The following RIMBP2 variants were observed in gnomAD, a reference collection of about 807,000 sequenced individuals.
The protein encoded by RIMBP2 is RIMS-binding protein 2.
RIMBP2 carries 48 observed loss-of-function variants against 118.6 expected under a neutral mutation model. The ratio of observed to expected loss-of-function variants is 0.40; its 90% CI spans 0.32 to 0.51. The LOEUF (loss-of-function observed/expected upper bound fraction) is 0.51, where lower values mean the gene tolerates loss of function less well. RIMBP2 is among the 20% of genes least tolerant of loss of function. The pLI, the probability that RIMBP2 is intolerant of heterozygous loss-of-function variation, is 0.41. For synonymous variants in RIMBP2, 762 were observed against 742.9 expected, an observed-to-expected ratio of 1.03 and a Z score of -0.42; for missense variants, 1,551 against 1,768.3, an observed-to-expected ratio of 0.88 and a Z score of 2.20.
chr12:130,667,314 G>C (rs1294105477), intron 1 of RIMBP2: 1 of 152,182 alleles, frequency 6.6e-6, no homozygotes, highest in Non-Finnish European at 1.5e-5. Context: ...AGACTTGACA[G>C]TTTCCTGCCC....
chr12:130,456,389 C>A (rs117957218), intron 7 of RIMBP2, 107 bp downstream of exon 7: 7 of 923,330 alleles, frequency 7.6e-6, no homozygotes, highest in Admixed American at 5.8e-5. Context: ...GGTCCCTGTA[C>A]CCTCTGCCAG....
intron 17 of RIMBP2, among the ~76,000 whole-genome samples, chr12:130,416,348 A>C (rs749036784): frequency 1.3e-5 from 2 of 152,214 alleles, no homozygotes; most frequent in Non-Finnish European, 2.9e-5. Flanking sequence ...CAGTCACTAT[A>C]ATAGCATGGC....
chr12:130,667,132 A>AC, intron 1 of RIMBP2, among the ~76,000 whole-genome samples: 1 of 46,576 alleles, frequency 2.1e-5, no homozygotes, highest in African/African-American at 8.5e-5. Context: ...GGAAGGAAGG[A>AC]GAGAGGGAGG....
chr12:130,706,248 AT>A (rs1209702355), intron 1 of RIMBP2, among the ~76,000 whole-genome samples: 1 of 152,232 alleles, frequency 6.6e-6, no homozygotes, highest in Non-Finnish European at 1.5e-5. Context: ...GCAATTGCTA[AT>A]CTTTATTGAG....
At chr12:130,652,110 T>C (rs998202660) in intron 1 of RIMBP2, among the ~76,000 whole-genome samples, 2 of 152,198 alleles carry the variant, frequency 1.3e-5, no homozygotes, top group Admixed American at 6.5e-5. Flanking sequence ...CTCTTCTTCA[T>C]ATAAGAGGAT....
chr12:130,599,903 G>A (rs578136442), intron 2 of RIMBP2, among the ~76,000 whole-genome samples: 1 of 152,240 alleles, frequency 6.6e-6, no homozygotes, highest in African/African-American at 2.4e-5. Context: ...GGGTAAACCT[G>A]CCCCATTCTA....
In RIMBP2 at chr12:130,424,593, G is replaced by A; in HGVS notation, c.2678C>T (p.Ala893Val). ...AAGGAAGTCCTCCACGTGGGGGACG[G>A]CCCCCGAGCCCCTGTGCTTCACCGG... ...WFPVKHRGSGAVPHVEDFLLE... is the reference protein window; with the variant it reads ...WFPVKHRGSGVVPHVEDFLLE... The change falls in exon 16 of 23, where the codon GCC becomes GTC. Residue 893 changes from alanine (A) to valine (V), a missense_variant. By Grantham distance (64) the Ala-to-Val change is moderately conservative. Coordinates refer to ENST00000690449, the MANE Select transcript of RIMBP2 (RefSeq NM_001393629.1). This position sits in a 1 kb window ranked among gnomAD's most constrained non-coding sequence, Gnocchi z 9.8. 8.1e-7 allele frequency: 1 copy of A among 1,231,914 alleles called. No homozygotes were observed. The highest frequency in any genetic ancestry group is 1.0e-6 in the Non-Finnish European group (1 of 987,826). The allele number at this position is 1,231,914 out of a possible 1,614,324, so 76.3% of individuals were successfully genotyped here. A position where few individuals can be genotyped will look rare whatever the true frequency, so the allele number is the denominator to read the frequency against.
chr12:130,699,214 C>T lies in RIMBP2; in HGVS notation c.-352+17008G>A, dbSNP rs180685212. Among the ~76,000 whole-genome samples, 269 of 152,234 alleles carry T rather than the reference C, an allele frequency of 1.8e-3. 3 individuals are homozygous for T. Among genetic ancestry groups the T allele is most frequent in the African/African-American group, 6.4e-3 (267 of 41,536 alleles). ...AACTAGAAATACCATTTGACCCATC[C>T]ATCCCATTACTGGTTATATACCCAA... On this transcript the variant is annotated intron_variant, in intron 1 of 22. Transcript: ENST00000690449.
Position 130,450,244 on chromosome 12 carries a change from C to T in RIMBP2, c.537G>A (p.Lys179=). The T allele has an allele frequency of 6.2e-7, 1 of 1,610,078 alleles. No individual in the cohort carries two copies. Among genetic ancestry groups the T allele is most frequent in the Non-Finnish European group, 8.5e-7 (1 of 1,177,870 alleles). Residue 179 remains lysine, a synonymous_variant, in exon 9 of 23, where the codon AAG becomes AAA. Coordinates refer to ENST00000690449, the MANE Select transcript of RIMBP2 (RefSeq NM_001393629.1). The surrounding 1 kb of genome is among the most constrained non-coding windows in gnomAD (Gnocchi z 4.8). Reference sequence around the variant, plus strand: ...GGTGGACCTTCCCCGAGTATCTCTGCTTGGAGGTATTGGAATTCCGTTCAT... The same window carrying T: ...GGTGGACCTTCCCCGAGTATCTCTGTTTGGAGGTATTGGAATTCCGTTCAT... ...MENERNSNTS[K]QRYSGKVHLC... is the part of the protein sequence containing the mutation.
intron 2 of RIMBP2, among the ~76,000 whole-genome samples, chr12:130,540,206 A>G (rs1419171176): frequency 6.6e-6 from 1 of 152,188 alleles, no homozygotes; most frequent in Non-Finnish European, 1.5e-5. Flanking sequence ...CTTTCATCCA[A>G]TGTGTGCTTT....
At chr12:130,690,080 T>C (rs1325667543) in intron 1 of RIMBP2, among the ~76,000 whole-genome samples, 1 of 152,220 alleles carries the variant, frequency 6.6e-6, no homozygotes, top group Non-Finnish European at 1.5e-5. Flanking sequence ...CTTCGGGTCC[T>C]CACTTCTGTC....
rs749643116 is a variant in RIMBP2 at position 130,456,732 on chromosome 12, G to A, written c.154-32C>T. ...GGCAGAAGCAGGACAGGGGGTCAGC[G>A]GTGGCATTTGGTGGTGGAAATGTGT... On this transcript the variant is annotated intron_variant, in intron 6 of 22. Coordinates refer to ENST00000690449, the MANE Select transcript of RIMBP2 (RefSeq NM_001393629.1). The A allele has an allele frequency of 2.4e-5, 37 of 1,523,786 alleles. No homozygotes were observed. The South Asian group carries it at 2.5e-4, about 10-fold the overall frequency. The allele number at this position is 1,523,786 out of a possible 1,614,324, so 94.4% of individuals were successfully genotyped here.
At chr12:130,501,303 G>A (rs548297807) in intron 4 of RIMBP2, among the ~76,000 whole-genome samples, 5 of 152,034 alleles carry the variant, frequency 3.3e-5, no homozygotes, top group African/African-American at 9.6e-5. Context: ...TTTTCTGTGC[G>A]GCCACTGGAG....
Position 130,705,344 on chromosome 12 carries a change from G to A in RIMBP2, c.-352+10878C>T, listed in dbSNP as rs114806926. Among the ~76,000 whole-genome samples, 466 of 152,286 alleles carry A rather than the reference G, an allele frequency of 3.1e-3. 4 individuals are homozygous for A. The highest frequency in any genetic ancestry group is 0.011 in the African/African-American group (441 of 41,552). ...CCGGAGCCTCCCGGCCAGTCACCACGCAACAAAGACCGGGGCCCTGGCTGC... is the reference window on the plus strand; with the variant it reads ...CCGGAGCCTCCCGGCCAGTCACCACACAACAAAGACCGGGGCCCTGGCTGC... On this transcript the variant is annotated intron_variant, in intron 1 of 22. Coordinates refer to ENST00000690449, the MANE Select transcript of RIMBP2 (RefSeq NM_001393629.1).
intron 2 of RIMBP2, among the ~76,000 whole-genome samples, chr12:130,598,046 A>G (rs1456246357): frequency 1.3e-5 from 2 of 152,354 alleles, no homozygotes; most frequent in East Asian, 3.9e-4. Flanking sequence ...GCAAGGTAGC[A>G]GAAAAGGAGA....
intron 2 of RIMBP2, among the ~76,000 whole-genome samples, chr12:130,577,488 G>T (rs1239897315): frequency 4.6e-5 from 7 of 152,168 alleles, no homozygotes; most frequent in Non-Finnish European, 7.4e-5. Context: ...TTACAAGGCA[G>T]CAGGAGAGAG....
At chr12:130,651,787 G>A (rs1345585945) in intron 1 of RIMBP2, among the ~76,000 whole-genome samples, 1 of 152,172 alleles carries the variant, frequency 6.6e-6, no homozygotes, top group Non-Finnish European at 1.5e-5. Context: ...TTAATTATCT[G>A]CAGGATTATG....
At chr12:130,573,415 TGTGA>T (rs1315261027) in intron 2 of RIMBP2, among the ~76,000 whole-genome samples, 10 of 151,852 alleles carry the variant, frequency 6.6e-5, no homozygotes, top group East Asian at 3.9e-4. Context: ...ACTGTGTGCG[TGTGA>T]GTGTGTGCGT....
In RIMBP2 at chr12:130,565,548, T is replaced by C. The variant is rs769751412; in HGVS notation, c.-216-47631A>G. On this transcript the variant is annotated intron_variant, in intron 2 of 22. Transcript: ENST00000690449. Reference sequence around the variant, plus strand: ...ATTAAGTGGATACACATGTGGTTGCTTCCTTATTCTCAGAAAAGAACTAAG... The same window carrying C: ...ATTAAGTGGATACACATGTGGTTGCCTCCTTATTCTCAGAAAAGAACTAAG... Among the ~76,000 whole-genome samples, 4 of 152,330 alleles carry C rather than the reference T, an allele frequency of 2.6e-5. No individual in the cohort carries two copies. In the South Asian group the frequency reaches 6.2e-4, roughly 24 times the overall value.
Sources: gnomAD v4.1 joint callset for allele counts (sites outside exome capture counted in the v4.1 genomes callset) on GRCh38, gnomAD v4.1.1 for gene constraint, Gnocchi (gnomAD v3.1) non-coding constraint, MANE v1.5 for transcripts, NCBI Gene and HGNC (gene_info 2026-07-23, HGNC 2026-07-21) for gene names.